Variants in ATG7 observed in about 807,000 individuals in gnomAD.
The protein encoded by ATG7 is ubiquitin-like modifier-activating enzyme ATG7.
ATG7 carries 70 observed loss-of-function variants against 82.4 expected under a neutral mutation model. That is an observed-to-expected ratio of 0.85 (90% confidence interval 0.70 to 1.04). The LOEUF (loss-of-function observed/expected upper bound fraction) is 1.04, where lower values mean the gene tolerates loss of function less well. Among genes scored for constraint, ATG7 ranks in the 50% least tolerant of loss-of-function variants. The probability of loss-of-function intolerance (pLI) is 0.00; values close to 1 mark genes in which losing one functional copy is unlikely to be tolerated. For synonymous variants in ATG7, 287 were observed against 313.0 expected (o/e 0.92, Z 0.88); for missense variants, 792 against 864.3 (o/e 0.92, Z 1.05).
intron 18 of ATG7, among the ~76,000 whole-genome samples, chr3:11,376,001 G>A (rs1486800679): frequency 6.6e-6 from 1 of 152,202 alleles, no homozygotes; most frequent in East Asian, 1.9e-4. Context: ...CTAAATAAAT[G>A]TATTATAGCA....
intron 20 of ATG7, among the ~76,000 whole-genome samples, chr3:11,434,903 C>T (rs1021338570): frequency 7.2e-5 from 11 of 152,282 alleles, no homozygotes; most frequent in Non-Finnish European, 1.6e-4. Flanking sequence ...CTCCTGGTTC[C>T]GCCAGTGTTC....
intron 19 of ATG7, among the ~76,000 whole-genome samples, chr3:11,390,917 C>T (rs2078748819): frequency 1.3e-5 from 2 of 152,150 alleles, no homozygotes; most frequent in South Asian, 4.1e-4. Context: ...TATCTGCTAC[C>T]CACTAACCAT....
At chr3:11,460,346 T>C (rs1442741153) in intron 20 of ATG7, among the ~76,000 whole-genome samples, 1 of 152,222 alleles carries the variant, frequency 6.6e-6, no homozygotes, top group East Asian at 1.9e-4. Flanking sequence ...TCAGCTTCTC[T>C]TGTGTGCCAG....
chr3:11,369,154 G>C (rs1420238832), intron 18 of ATG7, among the ~76,000 whole-genome samples: 1 of 150,796 alleles, frequency 6.6e-6, no homozygotes, highest in Non-Finnish European at 1.5e-5. Context: ...TTTAGATTTT[G>C]AAAAAATCTC....
chr3:11,507,899 G>T (rs371773280), intron 20 of ATG7, among the ~76,000 whole-genome samples: 1 of 151,876 alleles, frequency 6.6e-6, no homozygotes, highest in African/African-American at 2.4e-5. Flanking sequence ...GGGGTGTAAG[G>T]CATGCTGGGA....
intron 18 of ATG7, 79 bp downstream of exon 18, chr3:11,364,813 C>T: frequency 6.8e-7 from 1 of 1,473,186 alleles, no homozygotes. Context: ...ATTCCATCTG[C>T]CCAGCCCACT....
chr3:11,496,204 G>T (rs908767516), intron 20 of ATG7, among the ~76,000 whole-genome samples: 1 of 152,182 alleles, frequency 6.6e-6, no homozygotes, highest in Non-Finnish European at 1.5e-5. Flanking sequence ...CATTGGCAAG[G>T]CCAAGTTAAA....
At chr3:11,529,038 AATACCAT>A (rs1160703884) in intron 20 of ATG7, among the ~76,000 whole-genome samples, 1 of 151,994 alleles carries the variant, frequency 6.6e-6, no homozygotes, top group Non-Finnish European at 1.5e-5. Flanking sequence ...AGGTAGAAGA[AATACCAT>A]ATGGAAGGCA....
chr3:11,565,071 A>T, the ATG7 span: 2 of 1,429,630 alleles, frequency 1.4e-6, no homozygotes, highest in Non-Finnish European at 1.8e-6. The surrounding 1 kb of genome is among the most constrained non-coding windows in gnomAD (Gnocchi z 4.1). Flanking sequence ...GGCAAAGGGG[A>T]CAGTGACTGT....
At chr3:11,478,433 C>T (rs375589015) in intron 20 of ATG7, among the ~76,000 whole-genome samples, 2 of 152,292 alleles carry the variant, frequency 1.3e-5, no homozygotes, top group African/African-American at 4.8e-5. Context: ...AGAGATGAGA[C>T]TGGCGCATAT....
chr3:11,502,559 A>T (rs544121130), intron 20 of ATG7, among the ~76,000 whole-genome samples: 1 of 151,632 alleles, frequency 6.6e-6, no homozygotes, highest in South Asian at 2.1e-4. Flanking sequence ...TGAACTCATC[A>T]TTTTTTATGG....
At chr3:11,444,389 G>A (rs1356767287) in intron 20 of ATG7, among the ~76,000 whole-genome samples, 1 of 152,136 alleles carries the variant, frequency 6.6e-6, no homozygotes, top group Non-Finnish European at 1.5e-5. Flanking sequence ...CTAAAGAATA[G>A]GGTTTGTCAG....
chr3:11,354,217 C>A (rs559654019), intron 14 of ATG7, among the ~76,000 whole-genome samples: 2 of 151,972 alleles, frequency 1.3e-5, no homozygotes, highest in East Asian at 3.9e-4. Flanking sequence ...TTTCCAGGTG[C>A]CTTTAAAAAA....
intron 20 of ATG7, among the ~76,000 whole-genome samples, chr3:11,471,031 C>G (rs576017806): frequency 7.2e-5 from 11 of 152,258 alleles, no homozygotes; most frequent in African/African-American, 2.4e-4. Flanking sequence ...ATCAAACTCC[C>G]CATAGCCATT....
the ATG7 span, chr3:11,565,070 G>A: frequency 7.0e-7 from 1 of 1,429,220 alleles, no homozygotes; most frequent in Non-Finnish European, 9.2e-7. This position sits in a 1 kb window ranked among gnomAD's most constrained non-coding sequence, Gnocchi z 4.1. Context: ...AGGCAAAGGG[G>A]ACAGTGACTG....
rs552093075 is a variant in ATG7, at chr3:11,378,754, A to G, written c.1876-1218A>G. Reference sequence around the variant, plus strand: ...CCAGGTTTGATTTTTTTCCAGAGAGAAGTATGCACAAACAGTTAACACTGT... The same window carrying G: ...CCAGGTTTGATTTTTTTCCAGAGAGGAGTATGCACAAACAGTTAACACTGT... On this transcript the variant is annotated intron_variant, in intron 18 of 20. Coordinates refer to ENST00000693202, the MANE Select transcript of ATG7 (RefSeq NM_001349232.2). Among the ~76,000 whole-genome samples the G allele has an allele frequency of 5.2e-4, 78 of 151,088 alleles. 2 individuals carry two copies. The South Asian group carries it at 0.016, about 31-fold the overall frequency.
intron 20 of ATG7, among the ~76,000 whole-genome samples, chr3:11,443,134 C>T (rs894257519): frequency 1.3e-5 from 2 of 152,164 alleles, no homozygotes; most frequent in East Asian, 1.9e-4. Context: ...CTCCAGGTGT[C>T]GCCATGCACT....
At chr3:11,379,638 G>A (rs1429485319) in intron 18 of ATG7, among the ~76,000 whole-genome samples, 1 of 152,120 alleles carries the variant, frequency 6.6e-6, no homozygotes, top group Non-Finnish European at 1.5e-5. Flanking sequence ...TATACCAGTG[G>A]ACCTGTTCAA....
chr3:11,474,262 A>G (rs1247117368), intron 20 of ATG7, among the ~76,000 whole-genome samples: 5 of 152,260 alleles, frequency 3.3e-5, no homozygotes, highest in Non-Finnish European at 5.9e-5. Context: ...TTCTATAAAT[A>G]AATGAAAAAA....
Sources: allele counts gnomAD v4.1 joint callset (sites outside exome capture counted in the v4.1 genomes callset), GRCh38; gene constraint gnomAD v4.1.1; non-coding constraint Gnocchi (gnomAD v3.1); transcripts MANE v1.5; gene names NCBI Gene and HGNC (gene_info 2026-07-23, HGNC 2026-07-21).